The following CEP104 variants were observed in gnomAD, a reference collection of about 807,000 sequenced individuals.
CEP104 encodes the protein centrosomal protein of 104 kDa.
CEP104 carries 84 observed loss-of-function variants against 113.3 expected under a neutral mutation model. That is an observed-to-expected ratio of 0.74 (90% CI 0.62 to 0.89). The LOEUF is 0.89. CEP104 is among the 40% of genes least tolerant of loss of function. The pLI, the probability that CEP104 is intolerant of heterozygous loss-of-function variation, is 0.00. For synonymous variants in CEP104, 378 were observed against 421.7 expected (o/e 0.90, Z 1.27); for missense variants, 1,053 against 1,156.6 (o/e 0.91, Z 1.30).
At position 3,848,622 on chromosome 1, in the gene CEP104, C is replaced by A. The variant is rs556929251; in HGVS notation, c.273G>T (p.Arg91=). The A allele has an allele frequency of 5.6e-5, 90 of 1,610,780 alleles. No homozygotes were observed. In the Middle Eastern group the frequency reaches 9.9e-4, roughly 18 times the overall value. The change falls in exon 3 of 22, where the codon CGG becomes CGT. Residue 91 remains arginine, a synonymous_variant. Transcript: ENST00000378230. ...PEYFAPYQAE[R]FRRLGYVSLC... The stretch of plus-strand genomic sequence containing the variant: ...TTCATTCTTACCCAAGTCTTCGAAA[C>A]CGCTCTGCTTGATAGGGTGCAAAAT...
rs1261750031 is a variant in CEP104 at position 3,812,783 on chromosome 1, G to C, written c.*2619C>G. The C allele has an allele frequency of 2.0e-5, 3 of 151,940 alleles. No individual in the cohort carries two copies. The highest frequency in any genetic ancestry group is 4.4e-5 in the Non-Finnish European group (3 of 67,998). 9.4% of individuals were successfully genotyped at this position (151,940 alleles called of 1,614,324 possible). A position where few individuals can be genotyped will look rare whatever the true frequency, so the allele number is the denominator to read the frequency against. ...CGAACCCGGGAGGCGGAGGTTGCAG[G>C]GGGCCAAGATCGCGCCACTGCACTC... On this transcript the variant is annotated 3_prime_UTR_variant, in exon 22 of 22. Coordinates refer to ENST00000378230, the MANE Select transcript of CEP104 (RefSeq NM_014704.4).
Position 3,823,362 on chromosome 1 carries a change from C to T in CEP104, c.2503+62G>A. 6.2e-7 allele frequency: 1 copy of T among 1,612,850 alleles called. No individual in the cohort carries two copies. On this transcript the variant is annotated intron_variant, in intron 19 of 21. Transcript: ENST00000378230. The surrounding 1 kb of genome is among the most constrained non-coding windows in gnomAD (Gnocchi z 4.1). ...CCTTGCACAGGCTCAAGAGCAGTGGCACTTCCTCCAAGAGGACCCCTGGTG... is the reference window on the plus strand; with the variant it reads ...CCTTGCACAGGCTCAAGAGCAGTGGTACTTCCTCCAAGAGGACCCCTGGTG...
rs758895890 is a variant in CEP104, at chr1:3,837,261, T to C, written c.1119+31A>G. 6.4e-6 allele frequency: 10 copies of C among 1,555,982 alleles called. No individual in the cohort carries two copies. In the South Asian group the frequency reaches 8.0e-5, roughly 12 times the overall value. The stretch of plus-strand genomic sequence containing the variant: ...TGTCCTTTACAAATACCCAAATAAA[T>C]TGAACGCCAATCTGAAACAGAATTA... On this transcript the variant is annotated intron_variant, in intron 9 of 21. Coordinates refer to ENST00000378230, the MANE Select transcript of CEP104 (RefSeq NM_014704.4).
In CEP104 at chr1:3,844,741, CA is replaced by C. The variant is rs976550397; in HGVS notation, c.566+165del. ...ATAAATGCAGGTGTGCTAAATAAAA[CA>C]GCGACCTTAATCTTTATGTAAATTT... On this transcript the variant is annotated intron_variant, in intron 6 of 21. Coordinates refer to ENST00000378230, the MANE Select transcript of CEP104 (RefSeq NM_014704.4). Among the ~76,000 whole-genome samples, 35 of 129,826 alleles carry C rather than the reference CA, an allele frequency of 2.7e-4. 1 individual carries two copies. The highest frequency in any genetic ancestry group is 1.0e-3 in the African/African-American group (35 of 34,710). The allele number at this position is 129,826 out of a possible 152,430, so 85.2% of individuals were successfully genotyped here.
intron 15 of CEP104, among the ~76,000 whole-genome samples, chr1:3,828,036 G>C (rs995519761): frequency 1.3e-5 from 2 of 152,224 alleles, no homozygotes; most frequent in Admixed American, 6.5e-5. Context: ...GGGACAGACA[G>C]TGCTGTGTGC....
intron 20 of CEP104, 104 bp from the exon 21 acceptor site, chr1:3,816,474 C>T (rs955306629): frequency 1.5e-4 from 132 of 897,484 alleles, no homozygotes; most frequent in African/African-American, 3.0e-4. Flanking sequence ...CGAGGGCGGC[C>T]GCTCCAGCAA....
At chr1:3,825,653 C>G (rs546724611) in intron 18 of CEP104, 105 bp downstream of exon 18, 29 of 748,944 alleles carry the variant, frequency 3.9e-5, no homozygotes, top group African/African-American at 3.8e-4. Context: ...CTCGCAACCT[C>G]TCCTCTGAAA....
Position 3,852,324 on chromosome 1 carries a change from C to T in CEP104, c.84G>A (p.Ala28=), listed in dbSNP as rs750904005. The T allele has an allele frequency of 6.2e-6, 10 of 1,613,864 alleles. No individual in the cohort carries two copies. The highest frequency in any genetic ancestry group is 2.7e-5 in the African/African-American group (2 of 74,910). Residue 28 remains alanine (A), a synonymous_variant, in exon 2 of 22, where the codon GCG becomes GCA. Coordinates refer to ENST00000378230, the MANE Select transcript of CEP104 (RefSeq NM_014704.4). ...GTGACCGCCACCCACTGACAGTTGG[C>T]GCGTGGATCATGAGCTCCCGGGCAC... ...GFSARELMIH[A]PTVSGWRSPR...
intron 1 of CEP104, among the ~76,000 whole-genome samples, chr1:3,855,172 C>T (rs1278151158): frequency 6.5e-5 from 7 of 107,342 alleles, no homozygotes; most frequent in Admixed American, 6.1e-4. Flanking sequence ...AGCCCAGCCC[C>T]GATTTTTTTT....
chr1:3,833,643 TA>T (rs907263409), intron 12 of CEP104: 34 of 401,230 alleles, frequency 8.5e-5, no homozygotes, highest in Non-Finnish European at 1.2e-4. Context: ...ATATGTTGGA[TA>T]AAAAAAACAT....
intron 2 of CEP104, among the ~76,000 whole-genome samples, chr1:3,850,479 C>G (rs1644589906): frequency 6.6e-6 from 1 of 152,176 alleles, no homozygotes; most frequent in African/African-American, 2.4e-5. Flanking sequence ...GCTTCAGGCT[C>G]TCTGAATTCT....
In CEP104 at chr1:3,815,372, TCA is replaced by T. The variant is rs1366688640; in HGVS notation, c.*28_*29del. On this transcript the variant is annotated 3_prime_UTR_variant, in exon 22 of 22. Transcript: ENST00000378230. ...AGAATCAGGAGACCCGCTCCATCCC[TCA>T]CAGAGACCAAGGAGCCCGAGCGCCG... 6.6e-7 allele frequency: 1 copy of T among 1,514,340 alleles called. No homozygotes were observed. The highest frequency in any genetic ancestry group is 1.8e-5 in the Admixed American group (1 of 55,838). The allele number at this position is 1,514,340 out of a possible 1,614,324, so 93.8% of individuals were successfully genotyped here. A position where few individuals can be genotyped will look rare whatever the true frequency, so the allele number is the denominator to read the frequency against.
intron 7 of CEP104, 134 bp from the exon 8 acceptor site, chr1:3,839,253 GC>G: frequency 1.3e-6 from 1 of 773,900 alleles, no homozygotes; most frequent in Non-Finnish European, 2.2e-6. Flanking sequence ...GAAGGAATGG[GC>G]CACACTCAGC....
chr1:3,847,755 G>T (rs372026374), intron 3 of CEP104, 142 bp from the exon 4 acceptor site: 1 of 790,724 alleles, frequency 1.3e-6, no homozygotes, highest in Non-Finnish European at 2.0e-6. Flanking sequence ...GGATCAACAG[G>T]TTTGAATAAA....
chr1:3,855,829 A>T lies in CEP104; in HGVS notation c.-15+1060T>A. On this transcript the variant is annotated intron_variant, in intron 1 of 21. Transcript: ENST00000378230. ...AATCACCATTAACAATTTGGGAAGA[A>T]GCAAAGCTCTGTTGAACATCCAGTT... is the stretch of plus-strand genomic sequence containing the variant. The T allele has an allele frequency of 3.4e-6, 3 of 884,264 alleles. No homozygotes were observed. In the South Asian group the frequency reaches 1.5e-4, roughly 46 times the overall value. The allele number at this position is 884,264 out of a possible 1,614,324, so 54.8% of individuals were successfully genotyped here.
At chr1:3,844,010 T>G (rs774801206) in intron 6 of CEP104, among the ~76,000 whole-genome samples, 1 of 151,008 alleles carries the variant, frequency 6.6e-6, no homozygotes, top group Non-Finnish European at 1.5e-5. Context: ...TCCACCCACC[T>G]TTGGCCTCCC....
chr1:3,833,024 T>C (rs6676260), intron 12 of CEP104, among the ~76,000 whole-genome samples: 134,181 of 148,276 alleles, frequency 0.9, 61,376 homozygotes, highest in Middle Eastern at 0.97. Flanking sequence ...CTCACTCTGT[T>C]GCCAGGCTGG....
intron 1 of CEP104, among the ~76,000 whole-genome samples, chr1:3,852,913 G>A (rs1445315586): frequency 4.5e-5 from 5 of 111,364 alleles, no homozygotes; most frequent in African/African-American, 1.3e-4. Context: ...GCCAAGGACG[G>A]CTGAGGATGG....
At chr1:3,816,855 G>A (rs921230961) in intron 20 of CEP104, among the ~76,000 whole-genome samples, 3 of 152,274 alleles carry the variant, frequency 2.0e-5, no homozygotes, top group Admixed American at 2.0e-4. Context: ...GCAGAATGTG[G>A]GGCTTATGCA....
Sources: allele counts gnomAD v4.1 joint callset (sites outside exome capture counted in the v4.1 genomes callset), GRCh38; gene constraint gnomAD v4.1.1; non-coding constraint Gnocchi (gnomAD v3.1); transcripts MANE v1.5; gene names NCBI Gene and HGNC (gene_info 2026-07-23, HGNC 2026-07-21).